MMP12: variants seen among roughly 807,000 people sequenced by gnomAD.
The protein encoded by MMP12 is macrophage metalloelastase.
A neutral mutation model predicts 45.2 loss-of-function variants in MMP12; 51 were observed. The observed-to-expected ratio is 1.13, with a 90% confidence interval of 0.90 to 1.42. The LOEUF (loss-of-function observed/expected upper bound fraction) is 1.42, where lower values mean the gene tolerates loss of function less well. Ranked by LOEUF, MMP12 falls within the 40% of genes most tolerant of loss-of-function variation. MMP12 has a pLI of 0.00. For missense variants in MMP12, 530 were observed against 570.8 expected, an observed-to-expected ratio of 0.93 and a Z score of 0.73; for synonymous variants, 210 against 193.3, an observed-to-expected ratio of 1.09 and a Z score of -0.72.
At chr11:102,872,408 T>C (rs539838832) in intron 2 of MMP12, among the ~76,000 whole-genome samples, 2 of 152,286 alleles carry the variant, frequency 1.3e-5, no homozygotes, top group South Asian at 4.2e-4. Flanking sequence ...TGGCACGATC[T>C]CGGCTCACTG....
In MMP12 at chr11:102,864,253, C is replaced by T; in HGVS notation, c.1206-1G>A. The T allele has an allele frequency of 1.9e-6, 3 of 1,606,528 alleles. No homozygotes were observed. The highest frequency in any genetic ancestry group is 2.6e-6 in the Non-Finnish European group (3 of 1,173,468). ...CATCATCTGTCTCCTTTCATCATAC[C>T]TGAGCAAAGAAGTAACCAGCAGGAA... On this transcript the variant is annotated splice_acceptor_variant, in intron 8 of 9. Coordinates refer to ENST00000571244, the MANE Select transcript of MMP12 (RefSeq NM_002426.6). LOFTEE classifies it high-confidence loss of function.
At position 102,866,322 on chromosome 11, in the gene MMP12, A is replaced by G. The variant is rs1555008538; in HGVS notation, c.1038T>C (p.Leu346=). Residue 346 remains leucine, a synonymous_variant, in exon 7 of 10, where the codon CTT becomes CTC. Coordinates refer to ENST00000571244, the MANE Select transcript of MMP12 (RefSeq NM_002426.6). The stretch of plus-strand genomic sequence containing the variant: ...ACTAAAGATTAGAATTACCTTTAAA[A>G]AGAAAAACTTGATTTCTGGCTTCAA... ...YEIEARNQVF[L]FKDDKYWLIS... The G allele has an allele frequency of 6.3e-7, 1 of 1,577,066 alleles. No homozygotes were observed. The highest frequency in any genetic ancestry group is 8.6e-7 in the Non-Finnish European group (1 of 1,161,628).
At chr11:102,869,378 A>G (rs1205292552) in intron 4 of MMP12, among the ~76,000 whole-genome samples, 1 of 152,104 alleles carries the variant, frequency 6.6e-6, no homozygotes, top group Non-Finnish European at 1.5e-5. Context: ...AGTTTTTACA[A>G]TTTATCCTAA....
chr11:102,873,346 TC>T (rs1170156869), intron 1 of MMP12, among the ~76,000 whole-genome samples: 2 of 152,188 alleles, frequency 1.3e-5, no homozygotes, highest in South Asian at 2.1e-4. Flanking sequence ...AGGCCTGTAA[TC>T]CCAGCATTTC....
At position 102,874,953 on chromosome 11, in the gene MMP12, G is replaced by A. The variant is rs201611651; in HGVS notation, c.-16C>T. 275 of 1,499,238 alleles carry A rather than the reference G, an allele frequency of 1.8e-4. 4 individuals carry two copies. In the South Asian group the frequency reaches 3.1e-3, roughly 17 times the overall value. 92.9% of individuals were successfully genotyped at this position (1,499,238 alleles called of 1,614,324 possible). ...GAAACTTCATTGTAAACTTCTAAAC[G>A]GATCAATTCAGTTTACTGTGTTCCT... is the stretch of plus-strand genomic sequence containing the variant. On this transcript the variant is annotated 5_prime_UTR_variant, in exon 1 of 10. Transcript: ENST00000571244.
rs782092130 is a variant in MMP12 at position 102,867,963 on chromosome 11, G to A, written c.732C>T (p.Asp244=). 9.9e-6 allele frequency: 16 copies of A among 1,609,718 alleles called. No individual in the cohort carries two copies. The Admixed American group carries it at 2.7e-4, about 27-fold the overall frequency. ...CAGCAGAGAGGCGAAATGTGTTGAT[G>A]TCAACATATTTGTAGGTGGGGAACA... ...AVMFPTYKYV[D]INTFRLSADD... is the part of the protein sequence containing the mutation. Residue 244 remains aspartate (D), a synonymous_variant, in exon 5 of 10, where the codon GAC becomes GAT. Coordinates refer to ENST00000571244, the MANE Select transcript of MMP12 (RefSeq NM_002426.6).
chr11:102,867,767 ACC>A (rs1859420871), intron 5 of MMP12, 139 bp downstream of exon 5: 4 of 846,306 alleles, frequency 4.7e-6, no homozygotes, highest in Non-Finnish European at 7.3e-6. Flanking sequence ...TGAAGATAAT[ACC>A]TGTGTCACCT....
At chr11:102,866,181 A>G (rs1295952890) in intron 7 of MMP12, 134 bp downstream of exon 7, 1 of 999,276 alleles carries the variant, frequency 1.0e-6, no homozygotes, top group African/African-American at 1.6e-5. Context: ...TTTAGTTTAC[A>G]CTTCAGAGCG....
At chr11:102,868,114 T>C in intron 4 of MMP12, 45 bp from the exon 5 acceptor site, 1 of 1,470,616 alleles carries the variant, frequency 6.8e-7, no homozygotes, top group Non-Finnish European at 9.4e-7. Flanking sequence ...TGCATTATCA[T>C]CTTGGACAAG....
At chr11:102,867,569 A>T (rs1206913887) in intron 5 of MMP12, among the ~76,000 whole-genome samples, 176 bp from the exon 6 acceptor site, 1 of 152,200 alleles carries the variant, frequency 6.6e-6, no homozygotes, top group Non-Finnish European at 1.5e-5. Flanking sequence ...CATGGTTGCA[A>T]TATCATGGAG....
chr11:102,866,452 A>G lies in MMP12; in HGVS notation c.912-4T>C, dbSNP rs1859389733. 6.2e-7 allele frequency: 1 copy of G among 1,610,314 alleles called. No individual in the cohort carries two copies. The highest frequency in any genetic ancestry group is 1.1e-5 in the South Asian group (1 of 89,736). On this transcript the variant is annotated splice_polypyrimidine_tract_variant and splice_region_variant and intron_variant, in intron 6 of 9. Coordinates refer to ENST00000571244, the MANE Select transcript of MMP12 (RefSeq NM_002426.6). ...AGAAACCTTCAGCCAGAAGAACCTG[A>G]CATGAAAGACATTTGACACATGTTA...
At chr11:102,864,321 C>G (rs1565232032) in intron 8 of MMP12, 69 bp from the exon 9 acceptor site, 2 of 993,984 alleles carry the variant, frequency 2.0e-6, no homozygotes, top group East Asian at 4.8e-5. Context: ...CACAAACCCA[C>G]CTTCTCTACT....
intron 6 of MMP12, 63 bp from the exon 7 acceptor site, chr11:102,866,511 G>C: frequency 6.5e-7 from 1 of 1,537,028 alleles, no homozygotes; most frequent in Non-Finnish European, 8.9e-7. Context: ...CATGGCATGT[G>C]AATGGGAGGG....
chr11:102,873,555 G>A (rs901561252), intron 1 of MMP12, among the ~76,000 whole-genome samples: 1 of 151,986 alleles, frequency 6.6e-6, no homozygotes, highest in Non-Finnish European at 1.5e-5. Flanking sequence ...AGCCGTGATT[G>A]TACCACTGCA....
rs1859568212 is a variant in MMP12 at position 102,874,829 on chromosome 11, T to C, written c.102+7A>G. The C allele has an allele frequency of 6.4e-7, 1 of 1,552,852 alleles. No individual in the cohort carries two copies. Among genetic ancestry groups the C allele is most frequent in the Non-Finnish European group, 8.8e-7 (1 of 1,132,704 alleles). ...AGCTCGATAAATACTGTAGTGTCCA[T>C]ACTTACTTCACCAAATAGCACATTA... On this transcript the variant is annotated splice_region_variant and intron_variant, in intron 1 of 9. Coordinates refer to ENST00000571244, the MANE Select transcript of MMP12 (RefSeq NM_002426.6).
rs201294037 is a variant in MMP12, at chr11:102,865,818, C to T, written c.1163G>A (p.Arg388His). Residue 388 changes from arginine (R) to histidine (H), a missense_variant, in exon 8 of 10, where the codon CGT becomes CAT. Coordinates refer to ENST00000571244, the MANE Select transcript of MMP12 (RefSeq NM_002426.6). This position sits in a 1 kb window ranked among gnomAD's most constrained non-coding sequence, Gnocchi z 4.1. ...TACAAAGAAGTAGGTCCTATAAAAA[C>T]GTGGGTTAAAAACAGCTGCATCAAT... ...KKIDAAVFNP[R>H]FYRTYFFVDN... 19 of 1,612,302 alleles carry T rather than the reference C, an allele frequency of 1.2e-5. No individual in the cohort carries two copies. The highest frequency in any genetic ancestry group is 5.0e-5 in the Admixed American group (3 of 59,842).
At chr11:102,872,503 G>C (rs1859518484) in intron 2 of MMP12, among the ~76,000 whole-genome samples, 2 of 152,074 alleles carry the variant, frequency 1.3e-5, no homozygotes, top group East Asian at 3.9e-4. Context: ...ACCACGCCCA[G>C]CTAATTTTTT....
At chr11:102,866,196 A>G in intron 7 of MMP12, 119 bp downstream of exon 7, 3 of 1,066,406 alleles carry the variant, frequency 2.8e-6, no homozygotes, top group Non-Finnish European at 4.0e-6. Context: ...AGAGCGAGCC[A>G]CTATTAATAA....
intron 4 of MMP12, 60 bp from the exon 5 acceptor site, chr11:102,868,129 C>A: frequency 7.6e-7 from 1 of 1,320,932 alleles, no homozygotes; most frequent in Admixed American, 2.1e-5. Flanking sequence ...GACAAGAACA[C>A]AATATCTGAC....
Sources: gnomAD v4.1 joint callset for allele counts (sites outside exome capture counted in the v4.1 genomes callset) on GRCh38, gnomAD v4.1.1 for gene constraint, Gnocchi (gnomAD v3.1) non-coding constraint, MANE v1.5 for transcripts, NCBI Gene and HGNC (gene_info 2026-07-23, HGNC 2026-07-21) for gene names.